Variants in LAMC3 observed in about 807,000 individuals in gnomAD.
The protein encoded by LAMC3 is laminin subunit gamma 3, also known as laminin subunit gamma-3.
LAMC3 carries 128 observed loss-of-function variants against 173.8 expected under a neutral mutation model. The ratio of observed to expected loss-of-function variants is 0.74; its 90% confidence interval spans 0.64 to 0.85. LAMC3 has a LOEUF of 0.85. LAMC3 is among the 40% of genes least tolerant of loss of function. LAMC3 has a pLI of 0.00. For missense variants in LAMC3, 2,022 were observed against 2,156.0 expected (o/e 0.94, Z 1.23); for synonymous variants, 897 against 909.1 (o/e 0.99, Z 0.24).
At chr9:131,011,408 A>G (rs1403077037) in intron 1 of LAMC3, among the ~76,000 whole-genome samples, 1 of 152,190 alleles carries the variant, frequency 6.6e-6, no homozygotes, top group East Asian at 1.9e-4. Flanking sequence ...TCAGAGCATA[A>G]ACTCTTTGAT....
intron 23 of LAMC3, among the ~76,000 whole-genome samples, 193 bp downstream of exon 23, chr9:131,079,491 G>A (rs1038893745): frequency 6.6e-6 from 1 of 152,156 alleles, no homozygotes; most frequent in East Asian, 1.9e-4. Flanking sequence ...TCAGGAGATT[G>A]AGACCATCCT....
At position 131,068,276 on chromosome 9, in the gene LAMC3, G is replaced by C. The variant is rs748318715; in HGVS notation, c.2747+45G>C. 3 of 1,582,138 alleles carry C rather than the reference G, an allele frequency of 1.9e-6. No individual in the cohort carries two copies. The South Asian group carries it at 3.3e-5, about 18-fold the overall frequency. ...CGGTGCCCTGGGGACCTCTCCAGGA[G>C]GGAAGAAGGCATCGGGCAGCCCCCA... is the stretch of plus-strand genomic sequence containing the variant. On this transcript the variant is annotated intron_variant, in intron 15 of 27. Coordinates refer to ENST00000361069, the MANE Select transcript of LAMC3 (RefSeq NM_006059.4).
intron 20 of LAMC3, among the ~76,000 whole-genome samples, chr9:131,073,931 T>C (rs1312149181): frequency 7.0e-6 from 1 of 143,568 alleles, no homozygotes; most frequent in Non-Finnish European, 1.5e-5. Flanking sequence ...TTTTCTTTTT[T>C]TTCTTTTCTT....
chr9:131,067,331 C>G, intron 14 of LAMC3, 126 bp downstream of exon 14: 6 of 1,208,490 alleles, frequency 5.0e-6, no homozygotes, highest in Non-Finnish European at 7.2e-6. Flanking sequence ...GCAAGGCTGT[C>G]CAGCCTCAGG....
intron 4 of LAMC3, among the ~76,000 whole-genome samples, chr9:131,038,141 C>A (rs1289629384): frequency 6.6e-6 from 1 of 152,254 alleles, no homozygotes; most frequent in Non-Finnish European, 1.5e-5. Flanking sequence ...CCTCACTGCT[C>A]AGCCTTCAGA....
At position 131,068,986 on chromosome 9, in the gene LAMC3, C is replaced by T. The variant is rs770175828; in HGVS notation, c.2826C>T (p.Val942=). The change falls in exon 16 of 28, where the codon GTC becomes GTT. Residue 942 remains valine (V), a synonymous_variant. Transcript: ENST00000361069. ...GACAGTGCACCTGCCGCCCAGGTGT[C>T]ACAGGCCAGGCCTGTGACAGGTGCC... is the stretch of plus-strand genomic sequence containing the variant. The part of the protein sequence containing the change: ...KTGQCTCRPG[V]TGQACDRCQL... 1.2e-6 allele frequency: 2 copies of T among 1,613,944 alleles called. No individual in the cohort carries two copies. The highest frequency in any genetic ancestry group is 1.7e-5 in the Admixed American group (1 of 60,012).
rs147212105 is a variant in LAMC3 at position 131,091,725 on chromosome 9, G to A, written c.4666G>A (p.Asp1556Asn). 48 of 1,613,012 alleles carry A rather than the reference G, an allele frequency of 3.0e-5. No homozygotes were observed. Among genetic ancestry groups the A allele is most frequent in the South Asian group, 6.6e-5 (6 of 90,948 alleles). Residue 1556 changes from aspartate to asparagine, a missense_variant, in exon 28 of 28, where the codon GAC becomes AAC. Physicochemically the swap from Asp to Asn is conservative, Grantham distance 23. Coordinates refer to ENST00000361069, the MANE Select transcript of LAMC3 (RefSeq NM_006059.4). The part of the protein sequence containing the change: ...FESDLAEIRA[D>N]KQNLEAILHS... ...GAGTGACCTCGCCGAGATCCGCGCC[G>A]ACAAACAGAACCTGGAGGCCATTCT...
chr9:131,042,190 C>T (rs539484940), intron 7 of LAMC3, among the ~76,000 whole-genome samples: 141 of 152,104 alleles, frequency 9.3e-4, no homozygotes, highest in African/African-American at 3.2e-3. Flanking sequence ...CCACAGCAGA[C>T]ATCACTCATG....
At chr9:131,032,019 A>G in intron 2 of LAMC3, 26 bp from the exon 3 acceptor site, 1 of 1,613,942 alleles carries the variant, frequency 6.2e-7, no homozygotes, top group Non-Finnish European at 8.5e-7. Context: ...GAACCTGCTG[A>G]TGGCACCCTC....
intron 6 of LAMC3, among the ~76,000 whole-genome samples, chr9:131,039,579 G>C (rs1463854273): frequency 6.6e-6 from 1 of 151,424 alleles, no homozygotes; most frequent in African/African-American, 2.4e-5. Flanking sequence ...TGGAGGAGCC[G>C]TGGATCAGTG....
chr9:131,081,926 G>T, intron 23 of LAMC3, 133 bp from the exon 24 acceptor site: 1 of 698,910 alleles, frequency 1.4e-6, no homozygotes, highest in Non-Finnish European at 2.6e-6. Context: ...GCTCCTGGTG[G>T]ACAGCGTGAC....
intron 20 of LAMC3, among the ~76,000 whole-genome samples, chr9:131,074,847 C>T (rs1018588166): frequency 6.6e-6 from 1 of 152,146 alleles, no homozygotes; most frequent in African/African-American, 2.4e-5. Flanking sequence ...TAAGGACACA[C>T]AGCTTGGAAG....
chr9:131,045,808 A>T, intron 8 of LAMC3, 148 bp downstream of exon 8: 4 of 988,284 alleles, frequency 4.0e-6, no homozygotes, highest in Non-Finnish European at 6.2e-6. Context: ...CGGGGGTGAG[A>T]TGATGGCTCC....
At position 131,032,141 on chromosome 9, in the gene LAMC3, TA is replaced by T; in HGVS notation, c.776del (p.Tyr259PhefsTer149). 1 of 1,612,320 alleles carries T rather than the reference TA, an allele frequency of 6.2e-7. No individual in the cohort carries two copies. The highest frequency in any genetic ancestry group is 1.1e-5 in the South Asian group (1 of 91,024). On this transcript the variant is annotated frameshift_variant, in exon 3 of 28. Coordinates refer to ENST00000361069, the MANE Select transcript of LAMC3 (RefSeq NM_006059.4). LOFTEE classifies it high-confidence loss of function. ...GGACCCCAAGGTGCTCCAGTCCTAC[TA>T]TTATGCCGTGTCCGACTTCTCTGTG... ...FKDPKVLQSYYYAVSDFSVGG... is the reference protein window; with the variant it reads ...FKDPKVLQSYXYAVSDFSVGG...
At chr9:131,019,562 ATTT>A (rs1367433865) in intron 1 of LAMC3, among the ~76,000 whole-genome samples, 2 of 152,218 alleles carry the variant, frequency 1.3e-5, no homozygotes, top group East Asian at 3.8e-4. Context: ...ACTAGCCAGC[ATTT>A]AGTGAGCACC....
chr9:131,055,726 A>AT (rs201748647), intron 11 of LAMC3, among the ~76,000 whole-genome samples: 21 of 150,076 alleles, frequency 1.4e-4, no homozygotes, highest in East Asian at 2.0e-4. Context: ...CGCCCGGCCC[A>AT]TTTTTTTTTC....
rs1830431668 is a variant in LAMC3, at chr9:131,091,733, G to A, written c.4674G>A (p.Gln1558=). The change falls in exon 28 of 28, where the codon CAG becomes CAA. Residue 1558 remains glutamine (Q), a synonymous_variant. Transcript: ENST00000361069. ...SDLAEIRADK[Q]NLEAILHSLP... ...TCGCCGAGATCCGCGCCGACAAACA[G>A]AACCTGGAGGCCATTCTGCACAGCC... The A allele has an allele frequency of 6.2e-7, 1 of 1,613,256 alleles. No homozygotes were observed. Among genetic ancestry groups the A allele is most frequent in the Non-Finnish European group, 8.5e-7 (1 of 1,179,976 alleles).
chr9:131,024,648 C>T (rs1833686876), intron 1 of LAMC3, among the ~76,000 whole-genome samples: 1 of 152,126 alleles, frequency 6.6e-6, no homozygotes, highest in Non-Finnish European at 1.5e-5. Flanking sequence ...GAGGCTACTG[C>T]CAACGGTAGA....
chr9:131,079,469 T>G (rs543243345), intron 23 of LAMC3, among the ~76,000 whole-genome samples, 171 bp downstream of exon 23: 287 of 151,944 alleles, frequency 1.9e-3, no homozygotes, highest in African/African-American at 6.5e-3. Flanking sequence ...CCGAGACGGG[T>G]GGATCACGAG....
Sources: gnomAD v4.1 joint callset for allele counts (sites outside exome capture counted in the v4.1 genomes callset) on GRCh38, gnomAD v4.1.1 for gene constraint, MANE v1.5 for transcripts, NCBI Gene and HGNC (gene_info 2026-07-23, HGNC 2026-07-21) for gene names.